Variants in LRP6 observed in about 807,000 individuals in gnomAD.
The protein encoded by LRP6 is LDL receptor related protein 6.
Under a neutral mutation model 184.1 loss-of-function variants are expected in LRP6, and 43 were observed. The ratio of observed to expected loss-of-function variants is 0.23; its 90% CI spans 0.18 to 0.30. LRP6 has a LOEUF of 0.30. LRP6 is among the 10% of genes least tolerant of loss of function. The pLI is 1.00. For synonymous variants in LRP6, 719 were observed against 684.9 expected, an observed-to-expected ratio of 1.05 and a Z score of -0.78; for missense variants, 1,571 against 2,005.3, an observed-to-expected ratio of 0.78 and a Z score of 4.14.
intron 12 of LRP6, chr12:12,155,239 C>T: frequency 4.2e-6 from 3 of 722,568 alleles, no homozygotes; most frequent in South Asian, 4.1e-5. Flanking sequence ...GCCAGAACTG[C>T]CATCTTCCAG....
intron 15 of LRP6, among the ~76,000 whole-genome samples, chr12:12,139,522 G>C (rs185642175): frequency 5.4e-4 from 82 of 152,242 alleles, no homozygotes; most frequent in African/African-American, 1.9e-3. Context: ...CTAGGAGTTC[G>C]ACATCAGCCT....
chr12:12,205,329 C>CAAAAAAAAAAAA (rs56169717), intron 2 of LRP6, among the ~76,000 whole-genome samples: 2 of 39,102 alleles, frequency 5.1e-5, no homozygotes, highest in Non-Finnish European at 1.1e-4. Flanking sequence ...CTCAAACAAA[C>CAAAAAAAAAAAA]AAAAAAAAAA....
At chr12:12,207,852 A>G (rs1264176879) in intron 2 of LRP6, among the ~76,000 whole-genome samples, 1 of 152,202 alleles carries the variant, frequency 6.6e-6, no homozygotes, top group Non-Finnish European at 1.5e-5. Context: ...GGTAACACTA[A>G]CTTGCTGGTG....
intron 3 of LRP6, among the ~76,000 whole-genome samples, chr12:12,189,498 A>G (rs1863559049): frequency 1.3e-5 from 2 of 152,098 alleles, no homozygotes; most frequent in African/African-American, 4.8e-5. Flanking sequence ...TAAATACTAT[A>G]CTAATATTAA....
At chr12:12,142,762 T>G (rs1022170339) in intron 15 of LRP6, among the ~76,000 whole-genome samples, 2 of 152,042 alleles carry the variant, frequency 1.3e-5, no homozygotes, top group African/African-American at 4.8e-5. Context: ...AAGAATAATA[T>G]ATCATGCTAG....
intron 17 of LRP6, among the ~76,000 whole-genome samples, chr12:12,133,233 G>A (rs116315774): frequency 0.01 from 1,585 of 152,258 alleles, 29 homozygotes; most frequent in African/African-American, 0.036. Context: ...CATGCAAACC[G>A]TGTGATATAG....
rs202180255 is a variant in LRP6, at chr12:12,130,898, A to G, written c.3971-5T>C. 279 of 1,486,604 alleles carry G rather than the reference A, an allele frequency of 1.9e-4. No individual in the cohort carries two copies. The African/African-American group carries it at 2.8e-3, about 15-fold the overall frequency. The allele number at this position is 1,486,604 out of a possible 1,614,324, so 92.1% of individuals were successfully genotyped here. A position where few individuals can be genotyped will look rare whatever the true frequency, so the allele number is the denominator to read the frequency against. On this transcript the variant is annotated splice_polypyrimidine_tract_variant and splice_region_variant and intron_variant, in intron 18 of 22. Coordinates refer to ENST00000261349, the MANE Select transcript of LRP6 (RefSeq NM_002336.3). ...ACTGATCAATTAAACAAAGCACTGGAAAAAAAACATAAATAGTTTCCTTAT... is the reference window on the plus strand; with the variant it reads ...ACTGATCAATTAAACAAAGCACTGGGAAAAAAACATAAATAGTTTCCTTAT...
chr12:12,216,053 T>C (rs533413494), intron 2 of LRP6, among the ~76,000 whole-genome samples: 1 of 152,258 alleles, frequency 6.6e-6, no homozygotes, highest in South Asian at 2.1e-4. Context: ...GATAGACTAA[T>C]GTATCTGCCT....
At chr12:12,180,753 A>T (rs1863323387) in intron 6 of LRP6, among the ~76,000 whole-genome samples, 1 of 152,050 alleles carries the variant, frequency 6.6e-6, no homozygotes, top group African/African-American at 2.4e-5. Flanking sequence ...ATTTCTTCCC[A>T]CATTTTTCAT....
intron 2 of LRP6, among the ~76,000 whole-genome samples, chr12:12,218,922 T>C (rs1444546519): frequency 6.6e-6 from 1 of 152,056 alleles, no homozygotes; most frequent in African/African-American, 2.4e-5. Flanking sequence ...AGTGGAAATA[T>C]AAAAATGGTA....
chr12:12,178,895 T>C (rs1863262721), intron 7 of LRP6, among the ~76,000 whole-genome samples: 1 of 152,186 alleles, frequency 6.6e-6, no homozygotes, highest in African/African-American at 2.4e-5. Flanking sequence ...CTCAGGGTCA[T>C]GGGCACTCTA....
rs758237196 is a variant in LRP6, at chr12:12,159,025, G to A, written c.2595C>T (p.Asn865=). Residue 865 remains asparagine (N), a synonymous_variant, in exon 12 of 23, where the codon AAC becomes AAT. Transcript: ENST00000261349. The part of the protein sequence containing the change: ...IERANKTSGQ[N]RTIIQGHLDY... ...CCAAATGGCCCTGAATGATGGTGCGGTTTTGGCCACTGGTTTTGTTGGCAC... is the reference window on the plus strand; with the variant it reads ...CCAAATGGCCCTGAATGATGGTGCGATTTTGGCCACTGGTTTTGTTGGCAC... 3 of 1,614,190 alleles carry A rather than the reference G, an allele frequency of 1.9e-6. No homozygotes were observed. The highest frequency in any genetic ancestry group is 1.7e-6 in the Non-Finnish European group (2 of 1,180,038).
chr12:12,248,471 CTTTTTTTTTTTTTTTTTT>C (rs71061030), intron 1 of LRP6, among the ~76,000 whole-genome samples: 1 of 62,758 alleles, frequency 1.6e-5, no homozygotes, highest in South Asian at 9.5e-4. Context: ...AGTCTTTACT[CTTTTTTTTTTTTTTTTTT>C]TTTTTTTTTT....
chr12:12,227,561 C>T (rs899199475), intron 2 of LRP6, among the ~76,000 whole-genome samples: 1 of 152,058 alleles, frequency 6.6e-6, no homozygotes, highest in Non-Finnish European at 1.5e-5. Flanking sequence ...GCACGCACCA[C>T]CATGCCAGGC....
chr12:12,266,124 T>C (rs1384891737), intron 1 of LRP6, among the ~76,000 whole-genome samples: 2 of 151,794 alleles, frequency 1.3e-5, no homozygotes, highest in African/African-American at 4.8e-5. Context: ...AACCCCGGAG[T>C]CACTTTCCAA....
In LRP6 at chr12:12,264,795, T is replaced by C. The variant is rs531883052; in HGVS notation, c.55+1886A>G. Among the ~76,000 whole-genome samples, 348 of 152,328 alleles carry C rather than the reference T, an allele frequency of 2.3e-3. 1 individual carries two copies. The highest frequency in any genetic ancestry group is 8.1e-3 in the African/African-American group (337 of 41,562). On this transcript the variant is annotated intron_variant, in intron 1 of 22. Coordinates refer to ENST00000261349, the MANE Select transcript of LRP6 (RefSeq NM_002336.3). ...GTACTCACAGCTAAGTACAGTACTG[T>C]TACATATTAGAAGACCACCTTACAC...
chr12:12,170,164 C>T (rs1003379441), intron 7 of LRP6, among the ~76,000 whole-genome samples: 2 of 152,024 alleles, frequency 1.3e-5, no homozygotes, highest in African/African-American at 4.8e-5. Context: ...GTGAAGCCCC[C>T]TCTCTACTGA....
intron 2 of LRP6, among the ~76,000 whole-genome samples, chr12:12,203,714 GCTGAGATTGTGCTACTGCA>G (rs577562090): frequency 2.2e-4 from 34 of 152,294 alleles, no homozygotes; most frequent in African/African-American, 7.9e-4. Flanking sequence ...GTTGCAGTAA[GCTGAGATTGTGCTACTGCA>G]CTCCAGCCTG....
At chr12:12,228,040 G>C (rs189376117) in intron 2 of LRP6, among the ~76,000 whole-genome samples, 1 of 152,112 alleles carries the variant, frequency 6.6e-6, no homozygotes, top group South Asian at 2.1e-4. Context: ...ACATTTCCCC[G>C]AGAGTAGCTA....
Sources: gnomAD v4.1 joint callset for allele counts (sites outside exome capture counted in the v4.1 genomes callset) on GRCh38, gnomAD v4.1.1 for gene constraint, MANE v1.5 for transcripts, NCBI Gene and HGNC (gene_info 2026-07-23, HGNC 2026-07-21) for gene names.